The following NAA11 variants were observed in gnomAD, a reference collection of about 807,000 sequenced individuals.
NAA11 encodes the protein N-alpha-acetyltransferase 11.
A neutral mutation model predicts 16.1 loss-of-function variants in NAA11; 15 were observed. That is an observed-to-expected ratio of 0.93 (90% CI 0.62 to 1.44). NAA11 has a LOEUF of 1.44. NAA11 is among the 40% of genes most tolerant of loss of function. NAA11 has a pLI of 0.00. For synonymous variants in NAA11, 122 were observed against 112.4 expected, an observed-to-expected ratio of 1.09 and a Z score of -0.54; for missense variants, 298 against 291.3, an observed-to-expected ratio of 1.02 and a Z score of -0.17.
the NAA11 span, among the ~76,000 whole-genome samples, chr4:79,202,130 A>G: frequency 6.6e-6 from 1 of 151,452 alleles, no homozygotes. Context: ...CTCTATTTCC[A>G]TGAGATCAAC....
intron 2 of NAA11, among the ~76,000 whole-genome samples, chr4:79,258,106 C>T (rs1202715287): frequency 6.6e-6 from 1 of 152,262 alleles, no homozygotes; most frequent in East Asian, 1.9e-4. Flanking sequence ...AGTGGGAGCC[C>T]TGTCCCTTCC....
chr4:79,222,999 G>T (rs1176812086), downstream of NAA11, among the ~76,000 whole-genome samples: 4 of 138,924 alleles, frequency 2.9e-5, no homozygotes, highest in Non-Finnish European at 6.3e-5. Flanking sequence ...GAAACAACAG[G>T]TGCTGGAGAG....
At chr4:79,217,867 C>T in the NAA11 span, among the ~76,000 whole-genome samples, 1 of 151,746 alleles carries the variant, frequency 6.6e-6, no homozygotes, top group Non-Finnish European at 1.5e-5. Flanking sequence ...ATCCCTAAAT[C>T]TTAAAAGAGA....
intron 2 of NAA11, among the ~76,000 whole-genome samples, chr4:79,256,963 A>G (rs1427122035): frequency 6.6e-6 from 1 of 152,178 alleles, no homozygotes; most frequent in Non-Finnish European, 1.5e-5. Flanking sequence ...TAGCCATGTC[A>G]GAAAAGTTTA....
chr4:79,161,977 G>T, the NAA11 span, among the ~76,000 whole-genome samples: 1 of 152,082 alleles, frequency 6.6e-6, no homozygotes, highest in Non-Finnish European at 1.5e-5. Context: ...CACCACACCC[G>T]GCCTACTTAG....
chr4:79,187,868 G>A, the NAA11 span, among the ~76,000 whole-genome samples: 1 of 151,584 alleles, frequency 6.6e-6, no homozygotes, highest in African/African-American at 2.4e-5. Context: ...GCACGGTGGC[G>A]GGCGCCTGTA....
At chr4:79,260,885 A>G (rs1426906341) in intron 2 of NAA11, among the ~76,000 whole-genome samples, 12 of 152,218 alleles carry the variant, frequency 7.9e-5, no homozygotes, top group African/African-American at 2.9e-4. Flanking sequence ...AAACCAGCAA[A>G]TCATTTTCAC....
the NAA11 span, among the ~76,000 whole-genome samples, chr4:79,180,736 A>G: frequency 2.0e-4 from 26 of 128,390 alleles, no homozygotes; most frequent in Admixed American, 1.4e-3. Flanking sequence ...CTGGCTATAT[A>G]CCCAAAGGAT....
At chr4:79,277,818 C>T (rs1487401467) in intron 2 of NAA11, among the ~76,000 whole-genome samples, 4 of 152,010 alleles carry the variant, frequency 2.6e-5, no homozygotes, top group Non-Finnish European at 4.4e-5. Context: ...GAGCCACATG[C>T]GTCAGGGATA....
chr4:79,228,725 G>A (rs1721386040), intron 2 of NAA11, among the ~76,000 whole-genome samples: 1 of 151,852 alleles, frequency 6.6e-6, no homozygotes, highest in South Asian at 2.1e-4. Context: ...AGAATATTTG[G>A]TTTGTATTTA....
At chr4:79,236,622 A>G (rs962971417) in intron 2 of NAA11, among the ~76,000 whole-genome samples, 1 of 152,190 alleles carries the variant, frequency 6.6e-6, no homozygotes, top group Non-Finnish European at 1.5e-5. Context: ...AATCTTAATT[A>G]TATCATTGCT....
At chr4:79,167,721 A>T in the NAA11 span, among the ~76,000 whole-genome samples, 1 of 152,036 alleles carries the variant, frequency 6.6e-6, no homozygotes, top group Non-Finnish European at 1.5e-5. Flanking sequence ...AGGAAGCATG[A>T]GGCTGGCATC....
chr4:79,286,779 A>G (rs1434166936), intron 2 of NAA11, among the ~76,000 whole-genome samples: 4 of 152,158 alleles, frequency 2.6e-5, no homozygotes, highest in Non-Finnish European at 1.5e-5. Flanking sequence ...CCATTATAGA[A>G]TAACTTCTGA....
chr4:79,196,117 C>G, the NAA11 span, among the ~76,000 whole-genome samples: 1 of 152,028 alleles, frequency 6.6e-6, no homozygotes, highest in Admixed American at 6.6e-5. Context: ...TCTACTCCTG[C>G]CTCTTTATGC....
chr4:79,205,027 G>A, the NAA11 span, among the ~76,000 whole-genome samples: 1 of 151,270 alleles, frequency 6.6e-6, no homozygotes, highest in African/African-American at 2.4e-5. Flanking sequence ...TTTCATCTGT[G>A]TTATATATAC....
intron 1 of NAA11, among the ~76,000 whole-genome samples, chr4:79,297,868 G>A (rs1348263304): frequency 2.0e-5 from 3 of 152,188 alleles, no homozygotes. Context: ...GCTAGGGAGG[G>A]CCTGAAGGCT....
chr4:79,192,663 T>C, the NAA11 span, among the ~76,000 whole-genome samples: 1 of 152,056 alleles, frequency 6.6e-6, no homozygotes, highest in Non-Finnish European at 1.5e-5. Context: ...GTCTTTGCTA[T>C]TGTGAATAGT....
rs1721298060 is a variant in NAA11 at position 79,225,868 on chromosome 4, C to G, written c.*525G>C. On this transcript the variant is annotated 3_prime_UTR_variant and NMD_transcript_variant, in exon 3 of 3. Transcript: ENST00000511542. ...GTTAAAAAGCTGCCGGCAAACTGGT[C>G]AATTGTCAATCCATCTCTGTCTTAT... is the stretch of plus-strand genomic sequence containing the variant. The G allele has an allele frequency of 2.0e-5, 3 of 152,148 alleles. 1 individual carries two copies. The South Asian group carries it at 6.2e-4, about 32-fold the overall frequency. The allele number at this position is 152,148 out of a possible 1,614,324, so 9.4% of individuals were successfully genotyped here.
chr4:79,260,056 A>G (rs1323711108), intron 2 of NAA11, among the ~76,000 whole-genome samples: 1 of 152,200 alleles, frequency 6.6e-6, no homozygotes, highest in East Asian at 1.9e-4. Context: ...GGGACTGGGC[A>G]AAATTCTTCA....
Sources: allele counts gnomAD v4.1 joint callset (sites outside exome capture counted in the v4.1 genomes callset), GRCh38; gene constraint gnomAD v4.1.1; transcripts MANE v1.5; gene names NCBI Gene and HGNC (gene_info 2026-07-23, HGNC 2026-07-21).